MITF: variants seen among roughly 807,000 people sequenced by gnomAD.
The protein encoded by MITF is microphthalmia-associated transcription factor.
Under a neutral mutation model 60.5 loss-of-function variants are expected in MITF, and 17 were observed. The observed-to-expected ratio is 0.28, with a 90% CI of 0.19 to 0.42. The LOEUF (loss-of-function observed/expected upper bound fraction) is 0.42. Ranked by LOEUF, MITF falls within the 10% of genes least tolerant of loss-of-function variation. The pLI, the probability that MITF is intolerant of heterozygous loss-of-function variation, is 1.00. For missense variants in MITF, 622 were observed against 683.5 expected, an observed-to-expected ratio of 0.91 and a Z score of 1.00; for synonymous variants, 260 against 248.5, an observed-to-expected ratio of 1.05 and a Z score of -0.43.
chr3:69,937,365 G>GGTGTGT (rs56689910), intron 2 of MITF, among the ~76,000 whole-genome samples: 2,687 of 142,174 alleles, frequency 0.019, 31 homozygotes, highest in Non-Finnish European at 0.024. Context: ...TTCTTAAGGA[G>GGTGTGT]GTGTGTGTGT....
intron 1 of MITF, among the ~76,000 whole-genome samples, chr3:69,777,081 CA>C (rs2062486275): frequency 1.3e-5 from 2 of 152,018 alleles, no homozygotes; most frequent in African/African-American, 2.4e-5. Context: ...TTGCAGATCA[CA>C]AAAGATCAGA....
chr3:69,901,757 G>C (rs903657097), intron 2 of MITF, among the ~76,000 whole-genome samples: 8 of 152,198 alleles, frequency 5.3e-5, no homozygotes, highest in African/African-American at 1.9e-4. Flanking sequence ...GTCTAATTCA[G>C]AGATCACAGA....
At chr3:69,853,676 G>C (rs755387652) in intron 1 of MITF, among the ~76,000 whole-genome samples, 1 of 151,908 alleles carries the variant, frequency 6.6e-6, no homozygotes, top group East Asian at 1.9e-4. Context: ...TAGAATCGTT[G>C]ACTACATCAC....
intron 1 of MITF, chr3:69,763,582 A>T: frequency 8.5e-7 from 1 of 1,181,858 alleles, no homozygotes; most frequent in Non-Finnish European, 1.1e-6. Flanking sequence ...TGTTGAGAGA[A>T]GGTGCACGTA....
In MITF at chr3:69,825,062, A is replaced by G. The variant is rs188010544; in HGVS notation, c.105-54072A>G. On this transcript the variant is annotated intron_variant, in intron 1 of 9. Transcript: ENST00000352241. ...TACTTCTTGCTAGCTAAGTCTTGTTATAGTTAGTAATTTCTTCTATTAAAG... is the reference window on the plus strand; with the variant it reads ...TACTTCTTGCTAGCTAAGTCTTGTTGTAGTTAGTAATTTCTTCTATTAAAG... Among the ~76,000 whole-genome samples, 16 of 152,292 alleles carry G rather than the reference A, an allele frequency of 1.1e-4. No individual in the cohort carries two copies. In the East Asian group the frequency reaches 2.9e-3, roughly 28 times the overall value.
At chr3:69,942,923 A>T (rs2107495302) in intron 5 of MITF, among the ~76,000 whole-genome samples, 1 of 152,218 alleles carries the variant, frequency 6.6e-6, no homozygotes, top group South Asian at 2.1e-4. Context: ...GAGAGTGGTC[A>T]TTTTGCTAGT....
At chr3:69,746,512 T>G (rs574439241) in intron 1 of MITF, among the ~76,000 whole-genome samples, 46 of 152,226 alleles carry the variant, frequency 3.0e-4, no homozygotes, top group East Asian at 7.7e-4. Flanking sequence ...TTCATTTTTT[T>G]TGTGTGTGTG....
chr3:69,928,947 G>T, intron 2 of MITF, among the ~76,000 whole-genome samples: 1 of 152,278 alleles, frequency 6.6e-6, no homozygotes, highest in African/African-American at 2.4e-5. Context: ...GTAAGAATTG[G>T]CAATCTTTGG....
chr3:69,882,277 T>C (rs1489644042), intron 2 of MITF, among the ~76,000 whole-genome samples: 1 of 152,160 alleles, frequency 6.6e-6, no homozygotes, highest in Non-Finnish European at 1.5e-5. Context: ...CGTGAGTAAG[T>C]TCATGAATCT....
rs144243029 is a variant in MITF, at chr3:69,800,299, A to G, written c.104+60598A>G. Among the ~76,000 whole-genome samples the G allele has an allele frequency of 2.1e-3, 318 of 152,264 alleles. 1 individual carries two copies. Among genetic ancestry groups the G allele is most frequent in the African/African-American group, 7.2e-3 (299 of 41,548 alleles). On this transcript the variant is annotated intron_variant, in intron 1 of 9. Coordinates refer to ENST00000352241, the MANE Select transcript of MITF (RefSeq NM_001354604.2). The stretch of plus-strand genomic sequence containing the variant: ...TTTTTATGGTCATTCCTTTTTATGG[A>G]CAAGTAATATTCCAGTGTAGGGATA...
At chr3:69,813,263 A>C (rs1186196491) in intron 1 of MITF, among the ~76,000 whole-genome samples, 1 of 152,182 alleles carries the variant, frequency 6.6e-6, no homozygotes, top group Non-Finnish European at 1.5e-5. Flanking sequence ...TCAAAGAAAG[A>C]TTGGATCTGT....
At chr3:69,843,232 G>A (rs554400265) in intron 1 of MITF, among the ~76,000 whole-genome samples, 3 of 143,012 alleles carry the variant, frequency 2.1e-5, no homozygotes, top group Non-Finnish European at 3.0e-5. Context: ...ACCCAACAAC[G>A]AGGGAAGAAG....
Position 69,833,682 on chromosome 3 carries a change from G to GTTGT in MITF, c.105-45450_105-45449insGTTT, listed in dbSNP as rs758088413. Among the ~76,000 whole-genome samples the GTTGT allele has an allele frequency of 7.2e-5, 3 of 41,624 alleles. No individual in the cohort carries two copies. In the South Asian group the frequency reaches 1.4e-3, roughly 19 times the overall value. The allele number at this position is 41,624 out of a possible 152,430, so 27.3% of individuals were successfully genotyped here. On this transcript the variant is annotated intron_variant, in intron 1 of 9. Coordinates refer to ENST00000352241, the MANE Select transcript of MITF (RefSeq NM_001354604.2). ...TGTTTCCCTGTTTACACTGTATGTG[G>GTTGT]TTCTCTGTTTACACTGTATGTGGTT...
chr3:69,859,382 A>G (rs1575831072), intron 1 of MITF, among the ~76,000 whole-genome samples: 2 of 152,198 alleles, frequency 1.3e-5, no homozygotes, highest in African/African-American at 4.8e-5. Context: ...ACAAACATTT[A>G]ATTTATATGA....
At chr3:69,809,223 G>C (rs554018739) in intron 1 of MITF, among the ~76,000 whole-genome samples, 4 of 152,104 alleles carry the variant, frequency 2.6e-5, no homozygotes, top group Non-Finnish European at 5.9e-5. Context: ...CAGAAAATAG[G>C]ATAAGGAATG....
chr3:69,956,592 C>T (rs554618676), intron 8 of MITF, 62 bp downstream of exon 8: 9 of 1,383,188 alleles, frequency 6.5e-6, no homozygotes, highest in East Asian at 2.3e-5. Flanking sequence ...TTTTTTCATA[C>T]GTTGTAAAAA....
chr3:69,763,735 G>C (rs1444430637), intron 1 of MITF: 9 of 1,346,004 alleles, frequency 6.7e-6, no homozygotes, highest in South Asian at 1.3e-5. Flanking sequence ...TTGGTCAGTC[G>C]AGTTTGGTGT....
intron 1 of MITF, among the ~76,000 whole-genome samples, chr3:69,811,560 T>C (rs901141703): frequency 1.3e-5 from 2 of 152,238 alleles, no homozygotes; most frequent in African/African-American, 4.8e-5. Flanking sequence ...ATGAATTATC[T>C]GTTTCCCAGA....
chr3:69,750,282 G>T (rs765245150), intron 1 of MITF, among the ~76,000 whole-genome samples: 14 of 151,906 alleles, frequency 9.2e-5, no homozygotes, highest in Non-Finnish European at 1.6e-4. Context: ...TTTCACGGGG[G>T]TGCACATTGT....
Sources: gnomAD v4.1 joint callset for allele counts (sites outside exome capture counted in the v4.1 genomes callset) on GRCh38, gnomAD v4.1.1 for gene constraint, MANE v1.5 for transcripts, NCBI Gene and HGNC (gene_info 2026-07-23, HGNC 2026-07-21) for gene names.